The following PCDHAC1 variants were observed in gnomAD, a reference collection of about 807,000 sequenced individuals.
The protein encoded by PCDHAC1 is protocadherin alpha-C1.
In PCDHAC1, 42 loss-of-function variants were observed where a neutral mutation model predicts 60.0. The observed-to-expected ratio is 0.70, with a 90% CI of 0.55 to 0.90. The LOEUF (loss-of-function observed/expected upper bound fraction) is 0.90, where lower values mean the gene tolerates loss of function less well. Among genes scored for constraint, PCDHAC1 ranks in the 40% least tolerant of loss-of-function variants. PCDHAC1 has a pLI of 0.00. For missense variants in PCDHAC1, 1,160 were observed against 1,222.3 expected (o/e 0.95, Z 0.76); for synonymous variants, 468 against 499.3 (o/e 0.94, Z 0.84).
chr5:140,928,657 G>T lies in PCDHAC1; in HGVS notation c.1765G>T (p.Asp589Tyr). 1 of 1,614,220 alleles carries T rather than the reference G, an allele frequency of 6.2e-7. No homozygotes were observed. Among genetic ancestry groups the T allele is most frequent in the Admixed American group, 1.7e-5 (1 of 60,024 alleles). The change falls in exon 1 of 4, where the codon GAC becomes TAC. Residue 589 changes from aspartate (D) to tyrosine (Y), a missense_variant. Physicochemically the swap from Asp to Tyr is radical, Grantham distance 160. Coordinates refer to ENST00000253807, the MANE Select transcript of PCDHAC1 (RefSeq NM_018898.5). ...CACAAAAGTGGTAGCAGAGGATGCT[G>T]ACAGTGGTTCTAATGCCTGGCTTTC... is the stretch of plus-strand genomic sequence containing the variant. The part of the protein sequence containing the change: ...LVTKVVAEDA[D>Y]SGSNAWLSYH...
intron 1 of PCDHAC1, chr5:140,968,789 G>T (rs782339889): frequency 1.9e-6 from 3 of 1,614,180 alleles, no homozygotes; most frequent in South Asian, 1.1e-5. Flanking sequence ...AGCCTCTGTG[G>T]CCATTACAGT....
chr5:140,977,364 A>G (rs967972541), intron 1 of PCDHAC1, among the ~76,000 whole-genome samples: 2 of 152,206 alleles, frequency 1.3e-5, no homozygotes, highest in African/African-American at 4.8e-5. Flanking sequence ...GATAAAAAGT[A>G]TTTTAGTCAT....
At chr5:140,950,219 C>G (rs1173605199) in intron 1 of PCDHAC1, among the ~76,000 whole-genome samples, 4 of 151,898 alleles carry the variant, frequency 2.6e-5, no homozygotes, top group African/African-American at 9.7e-5. Flanking sequence ...TAGTCATTTA[C>G]CATTTCTAGT....
chr5:140,971,192 A>G (rs1450514781), intron 1 of PCDHAC1, among the ~76,000 whole-genome samples: 3 of 152,178 alleles, frequency 2.0e-5, no homozygotes, highest in Non-Finnish European at 4.4e-5. Context: ...GGAAGCTCAG[A>G]GGAAAGACAC....
chr5:141,000,367 C>G (rs1158701279), intron 3 of PCDHAC1, among the ~76,000 whole-genome samples: 1 of 18,506 alleles, frequency 5.4e-5, no homozygotes, highest in Admixed American at 6.5e-4. Flanking sequence ...CTCTGTCTCT[C>G]TCTCTCTCTC....
chr5:140,991,121 C>G (rs1220661100), intron 3 of PCDHAC1, among the ~76,000 whole-genome samples: 1 of 152,184 alleles, frequency 6.6e-6, no homozygotes, highest in Non-Finnish European at 1.5e-5. Context: ...TTCTTACATT[C>G]ACACAGCTAG....
chr5:140,997,575 C>T (rs565835201), intron 3 of PCDHAC1, among the ~76,000 whole-genome samples: 5 of 151,884 alleles, frequency 3.3e-5, no homozygotes, highest in East Asian at 3.9e-4. Context: ...ATGTGTGGTC[C>T]GTTGTTGACT....
intron 2 of PCDHAC1, among the ~76,000 whole-genome samples, chr5:140,981,687 ATCATTCAT>A (rs200213847): frequency 3.3e-5 from 5 of 151,972 alleles, no homozygotes; most frequent in South Asian, 2.1e-4. Flanking sequence ...CCTCCCTTCC[ATCATTCAT>A]TCATTCATTC....
chr5:140,988,622 ATGTCCTGGTTTTC>A (rs2097306090), intron 3 of PCDHAC1, among the ~76,000 whole-genome samples: 1 of 152,124 alleles, frequency 6.6e-6, no homozygotes, highest in Non-Finnish European at 1.5e-5. Context: ...TAGAATGGAG[ATGTCCTGGTTTTC>A]TGAAATTAAA....
At chr5:140,987,585 A>G (rs575330361) in intron 3 of PCDHAC1, among the ~76,000 whole-genome samples, 2 of 152,236 alleles carry the variant, frequency 1.3e-5, no homozygotes, top group East Asian at 3.8e-4. Flanking sequence ...AAATGGGGAG[A>G]ATAGTGGTGT....
intron 1 of PCDHAC1, chr5:140,967,255 T>G (rs202164321): frequency 2.5e-6 from 4 of 1,613,342 alleles, no homozygotes; most frequent in Non-Finnish European, 3.4e-6. Context: ...CGGTGGCGCC[T>G]GGAGCGCGCT....
At chr5:140,967,442 G>T in intron 1 of PCDHAC1, 1 of 1,613,600 alleles carries the variant, frequency 6.2e-7, no homozygotes, top group Non-Finnish European at 8.5e-7. Context: ...GCACCACCTG[G>T]TTCTCACAGC....
At chr5:140,986,946 G>A (rs544796668) in intron 3 of PCDHAC1, among the ~76,000 whole-genome samples, 9 of 152,230 alleles carry the variant, frequency 5.9e-5, no homozygotes, top group South Asian at 2.1e-4. Context: ...GGGTGTGGTC[G>A]CTCATGCCTG....
At chr5:140,984,869 T>C (rs1587042657) in intron 3 of PCDHAC1, among the ~76,000 whole-genome samples, 1 of 152,174 alleles carries the variant, frequency 6.6e-6, no homozygotes, top group East Asian at 1.9e-4. Flanking sequence ...ACCTATTTTA[T>C]TGAGTTACCA....
intron 3 of PCDHAC1, among the ~76,000 whole-genome samples, chr5:141,007,447 A>T (rs2153992021): frequency 6.6e-6 from 1 of 151,258 alleles, no homozygotes; most frequent in South Asian, 2.1e-4. Flanking sequence ...ATGTGCCTGT[A>T]GTCCCAGCTA....
Position 141,010,042 on chromosome 5 carries a change from T to C in PCDHAC1, c.*105T>C. 6.3e-7 allele frequency: 1 copy of C among 1,594,374 alleles called. No homozygotes were observed. The highest frequency in any genetic ancestry group is 8.5e-7 in the Non-Finnish European group (1 of 1,171,086). ...TTTTTCCTATCTACATGAGCCCTCT[T>C]AGAGACCTCAGAAATCTGCAGAAAG... On this transcript the variant is annotated 3_prime_UTR_variant, in exon 4 of 4. Transcript: ENST00000253807.
rs2084561103 is a variant in PCDHAC1 at position 140,927,726 on chromosome 5, A to G, written c.834A>G (p.Ala278=). The change falls in exon 1 of 4, where the codon GCA becomes GCG. Residue 278 remains alanine (A), a synonymous_variant. Transcript: ENST00000253807. ...VQYSLSNSTQ[A]ELRHRFHVHP... is the part of the protein sequence containing the mutation. ...ACTCCCTAAGCAACAGCACGCAAGCAGAGCTGCGACACCGCTTTCACGTGC... is the reference window on the plus strand; with the variant it reads ...ACTCCCTAAGCAACAGCACGCAAGCGGAGCTGCGACACCGCTTTCACGTGC... 6 of 1,614,220 alleles carry G rather than the reference A, an allele frequency of 3.7e-6. No individual in the cohort carries two copies. The African/African-American group carries it at 8.0e-5, about 22-fold the overall frequency.
chr5:140,944,182 G>GTTTGT (rs750577669), intron 1 of PCDHAC1, among the ~76,000 whole-genome samples: 5 of 152,052 alleles, frequency 3.3e-5, no homozygotes, highest in East Asian at 1.9e-4. Flanking sequence ...TTTTTTGTTG[G>GTTTGT]TTTGTTTTGT....
chr5:140,995,654 A>C (rs1183016354), intron 3 of PCDHAC1, among the ~76,000 whole-genome samples: 2 of 152,184 alleles, frequency 1.3e-5, no homozygotes, highest in Non-Finnish European at 1.5e-5. Flanking sequence ...AGGAGAATCG[A>C]AAAGGGAAGT....
Sources: allele counts gnomAD v4.1 joint callset (sites outside exome capture counted in the v4.1 genomes callset), GRCh38; gene constraint gnomAD v4.1.1; transcripts MANE v1.5; gene names NCBI Gene and HGNC (gene_info 2026-07-23, HGNC 2026-07-21).